The following MAP7D1 variants were observed in gnomAD, a reference collection of about 807,000 sequenced individuals.
MAP7D1 encodes MAP7 domain containing 1.
MAP7D1 carries 30 observed loss-of-function variants against 97.5 expected under a neutral mutation model. That is an observed-to-expected ratio of 0.31 (90% CI 0.23 to 0.42). The LOEUF (loss-of-function observed/expected upper bound fraction) is 0.42. Among genes scored for constraint, MAP7D1 ranks in the 10% least tolerant of loss-of-function variants. The pLI is 1.00. For synonymous variants in MAP7D1, 536 were observed against 477.1 expected (o/e 1.12, Z -1.61); for missense variants, 1,184 against 1,179.5 (o/e 1.00, Z -0.06).
chr1:36,166,611 G>C (rs1188616812), intron 1 of MAP7D1, among the ~76,000 whole-genome samples: 1 of 151,990 alleles, frequency 6.6e-6, no homozygotes, highest in African/African-American at 2.4e-5. Context: ...GGATGGTCTC[G>C]ATCTCCTGAC....
At position 36,176,181 on chromosome 1, in the gene MAP7D1, C is replaced by T. The variant is rs1283198624; in HGVS notation, c.851-18C>T. 1.2e-6 allele frequency: 2 copies of T among 1,603,664 alleles called. No homozygotes were observed. Among genetic ancestry groups the T allele is most frequent in the Admixed American group, 1.7e-5 (1 of 59,810 alleles). ...CGGCCCCCACGGTGACCGGCTTCGC[C>T]TGGCCTTCTACCCCCAGATCGCAGC... is the stretch of plus-strand genomic sequence containing the variant. On this transcript the variant is annotated intron_variant, in intron 6 of 16. Coordinates refer to ENST00000474796, the MANE Select transcript of MAP7D1 (RefSeq NM_001388490.1). The surrounding 1 kb of genome is among the most constrained non-coding windows in gnomAD (Gnocchi z 6.1).
chr1:36,171,312 C>A lies in MAP7D1; in HGVS notation c.388C>A (p.Gln130Lys). The change falls in exon 2 of 17, where the codon CAA (glutamine) becomes AAA (lysine). Residue 130 changes from glutamine (Q) to lysine (K), a missense_variant. Gln to Lys is a moderately conservative substitution (Grantham distance 53). Transcript: ENST00000474796. ...VPASDSPPTK[Q>K]EVKKAGERHK... ...AGCCTCCGACAGCCCTCCCACCAAG[C>A]AAGGTGTGTGTAATGACCCCGGCCT... 6.4e-7 allele frequency: 1 copy of A among 1,562,484 alleles called. No homozygotes were observed. The highest frequency in any genetic ancestry group is 8.7e-7 in the Non-Finnish European group (1 of 1,153,666).
intron 1 of MAP7D1, among the ~76,000 whole-genome samples, chr1:36,170,509 G>T (rs1043786445): frequency 3.3e-5 from 5 of 152,160 alleles, no homozygotes; most frequent in East Asian, 1.9e-4. Context: ...AGTGCATTTG[G>T]TGCACGAATA....
At chr1:36,168,823 T>C (rs1249600124) in intron 1 of MAP7D1, among the ~76,000 whole-genome samples, 1 of 152,096 alleles carries the variant, frequency 6.6e-6, no homozygotes, top group African/African-American at 2.4e-5. Flanking sequence ...GGCTACTGGG[T>C]CCAAGTCCAG....
chr1:36,180,442 C>T lies in MAP7D1; in HGVS notation c.*184C>T. Reference sequence around the variant, plus strand: ...TCTCTTTGGCCGGAGCCAGATCTGCCCCTCAGTGCATTCGTGTGCTCGCAC... The same window carrying T: ...TCTCTTTGGCCGGAGCCAGATCTGCTCCTCAGTGCATTCGTGTGCTCGCAC... On this transcript the variant is annotated 3_prime_UTR_variant, in exon 17 of 17. Transcript: ENST00000474796. 1.3e-6 allele frequency: 1 copy of T among 769,120 alleles called. No homozygotes were observed. Among genetic ancestry groups the T allele is most frequent in the Non-Finnish European group, 2.2e-6 (1 of 453,186 alleles). 47.6% of individuals were successfully genotyped at this position (769,120 alleles called of 1,614,324 possible). A position where few individuals can be genotyped will look rare whatever the true frequency, so the allele number is the denominator to read the frequency against.
chr1:36,177,942 C>G lies in MAP7D1; in HGVS notation c.1449C>G (p.Ser483Arg). The G allele has an allele frequency of 6.3e-7, 1 of 1,587,910 alleles. No individual in the cohort carries two copies. Among genetic ancestry groups the G allele is most frequent in the Non-Finnish European group, 8.6e-7 (1 of 1,164,516 alleles). The change falls in exon 9 of 17, where the codon AGC (serine) becomes AGG (arginine). Residue 483 changes from serine to arginine, a missense_variant. Transcript: ENST00000474796. ...SWHRPASPCPSPGPGHTLPPK... is the reference protein window; with the variant it reads ...SWHRPASPCPRPGPGHTLPPK... Reference sequence around the variant, plus strand: ...ACAGGCCTGCCTCCCCCTGCCCCAGCCCAGGGCCAGGCCACACTCTGCCTC... The same window carrying G: ...ACAGGCCTGCCTCCCCCTGCCCCAGGCCAGGGCCAGGCCACACTCTGCCTC...
At position 36,179,556 on chromosome 1, in the gene MAP7D1, A is replaced by G; in HGVS notation, c.2226A>G (p.Pro742=). Residue 742 remains proline, a splice_region_variant and synonymous_variant, in exon 14 of 17, where the codon CCA becomes CCG. Coordinates refer to ENST00000474796, the MANE Select transcript of MAP7D1 (RefSeq NM_001388490.1). ...SKEANANGSS[P]EPVKAVEARS... ...AGGCCAACGCCAACGGTTCCAGCCC[A>G]GGTAAAGCCCCCATTCCTCTCGCCT... 3 of 1,568,024 alleles carry G rather than the reference A, an allele frequency of 1.9e-6. No homozygotes were observed. The highest frequency in any genetic ancestry group is 2.6e-6 in the Non-Finnish European group (3 of 1,155,334).
Position 36,172,276 on chromosome 1 carries a change from C to T in MAP7D1, c.461-188C>T, listed in dbSNP as rs1644555711. 1.8e-5 allele frequency: 9 copies of T among 502,250 alleles called. No homozygotes were observed. The South Asian group carries it at 5.0e-4, about 28-fold the overall frequency. The allele number at this position is 502,250 out of a possible 1,614,324, so 31.1% of individuals were successfully genotyped here. A position where few individuals can be genotyped will look rare whatever the true frequency, so the allele number is the denominator to read the frequency against. On this transcript the variant is annotated intron_variant, in intron 3 of 16. Transcript: ENST00000474796. ...CCAATGGAGGAGAAATAGGCCTCTC[C>T]TGAGTCCTGTCTTCAGTAAGCCTCT...
chr1:36,178,843 A>G lies in MAP7D1; in HGVS notation c.2025+20A>G, dbSNP rs374839142. 41 of 1,517,790 alleles carry G rather than the reference A, an allele frequency of 2.7e-5. No individual in the cohort carries two copies. The African/African-American group carries it at 4.8e-4, about 18-fold the overall frequency. The allele number at this position is 1,517,790 out of a possible 1,614,324, so 94.0% of individuals were successfully genotyped here. A position where few individuals can be genotyped will look rare whatever the true frequency, so the allele number is the denominator to read the frequency against. ...AAGCAGGTGCCCCCGGCGGGCGGGAAGCGGCTGGGCGCGGGCGCCGCGGGC... is the reference window on the plus strand; with the variant it reads ...AAGCAGGTGCCCCCGGCGGGCGGGAGGCGGCTGGGCGCGGGCGCCGCGGGC... On this transcript the variant is annotated intron_variant, in intron 11 of 16. Coordinates refer to ENST00000474796, the MANE Select transcript of MAP7D1 (RefSeq NM_001388490.1).
chr1:36,172,347 C>T (rs746822021), intron 3 of MAP7D1, 117 bp from the exon 4 acceptor site: 84 of 1,041,674 alleles, frequency 8.1e-5, no homozygotes, highest in East Asian at 2.0e-4. Flanking sequence ...CCTAAGCAGG[C>T]GGGAGAAAGA....
chr1:36,159,475 C>T lies in MAP7D1; in HGVS notation c.46+3012C>T, dbSNP rs1221818256. Among the ~76,000 whole-genome samples the T allele has an allele frequency of 1.3e-5, 2 of 152,182 alleles. No homozygotes were observed. The highest frequency in any genetic ancestry group is 4.8e-5 in the African/African-American group (2 of 41,440). ...AGCGGAGAGGGGAGTTCTAGGCAGA[C>T]ATGAGCTAGGGTGTATCCAGGGAAC... On this transcript the variant is annotated intron_variant, in intron 1 of 16. Coordinates refer to ENST00000474796, the MANE Select transcript of MAP7D1 (RefSeq NM_001388490.1). This position sits in a 1 kb window ranked among gnomAD's most constrained non-coding sequence, Gnocchi z 5.4.
At chr1:36,156,979 T>C (rs564531746) in intron 1 of MAP7D1, among the ~76,000 whole-genome samples, 1 of 151,930 alleles carries the variant, frequency 6.6e-6, no homozygotes, top group East Asian at 2.0e-4. Context: ...ACCCCATCCG[T>C]CCAGCTGCCG....
At position 36,180,420 on chromosome 1, in the gene MAP7D1, C is replaced by G; in HGVS notation, c.*162C>G. The G allele has an allele frequency of 1.0e-6, 1 of 956,878 alleles. No homozygotes were observed. The allele number at this position is 956,878 out of a possible 1,614,324, so 59.3% of individuals were successfully genotyped here. A position where few individuals can be genotyped will look rare whatever the true frequency, so the allele number is the denominator to read the frequency against. Reference sequence around the variant, plus strand: ...ATCTGCACCTTATAGACTGATGTCTCTTTGGCCGGAGCCAGATCTGCCCCT... The same window carrying G: ...ATCTGCACCTTATAGACTGATGTCTGTTTGGCCGGAGCCAGATCTGCCCCT... On this transcript the variant is annotated 3_prime_UTR_variant, in exon 17 of 17. Coordinates refer to ENST00000474796, the MANE Select transcript of MAP7D1 (RefSeq NM_001388490.1).
chr1:36,168,845 G>A (rs1644504781), intron 1 of MAP7D1, among the ~76,000 whole-genome samples: 1 of 152,180 alleles, frequency 6.6e-6, no homozygotes, highest in Non-Finnish European at 1.5e-5. Context: ...CTCCCTGACT[G>A]ACCAGCTGAA....
intron 1 of MAP7D1, 32 bp downstream of exon 1, chr1:36,156,495 G>T: frequency 7.1e-7 from 1 of 1,415,422 alleles, no homozygotes. Flanking sequence ...GGCGAGATGG[G>T]GGTAGATGGA....
At position 36,176,313 on chromosome 1, in the gene MAP7D1, G is replaced by A; in HGVS notation, c.965G>A (p.Arg322Gln). ...GCGGTCACACTGCCCCGCAACGGCC[G>A]GGACCAGGGTAGGGGCTGCGACCCT... ...RSAVTLPRNG[R>Q]DQGRGCDPGR... Residue 322 changes from arginine (R) to glutamine (Q), a missense_variant, in exon 7 of 17, where the codon CGG becomes CAG. Transcript: ENST00000474796. This position sits in a 1 kb window ranked among gnomAD's most constrained non-coding sequence, Gnocchi z 6.1. The A allele has an allele frequency of 1.3e-6, 2 of 1,559,178 alleles. No individual in the cohort carries two copies. Among genetic ancestry groups the A allele is most frequent in the Non-Finnish European group, 1.7e-6 (2 of 1,154,650 alleles).
chr1:36,161,344 C>T (rs1256786346), intron 1 of MAP7D1, among the ~76,000 whole-genome samples: 1 of 152,188 alleles, frequency 6.6e-6, no homozygotes, highest in Non-Finnish European at 1.5e-5. Context: ...GCCCTTTCTA[C>T]TGACCTCCTA....
intron 1 of MAP7D1, 32 bp from the exon 2 acceptor site, chr1:36,170,939 G>A: frequency 1.2e-6 from 1 of 845,728 alleles, no homozygotes; most frequent in Non-Finnish European, 2.0e-6. Flanking sequence ...TGAGCAATCT[G>A]ACCTCTCTCC....
Position 36,172,534 on chromosome 1 carries a change from G to T in MAP7D1, c.531G>T (p.Glu177Asp), listed in dbSNP as rs544414202. 1.2e-4 allele frequency: 185 copies of T among 1,602,276 alleles called. No homozygotes were observed. Among genetic ancestry groups the T allele is most frequent in the Non-Finnish European group, 1.5e-4 (181 of 1,171,578 alleles). ...CGCTGCGGGAGAAGCAGCTCCAGGA[G>T]CGCCGGCGCCGGCTGGAGGAGCAAC... is the stretch of plus-strand genomic sequence containing the variant. ...AKALREKQLQ[E>D]RRRRLEEQRL... Residue 177 changes from glutamate (E) to aspartate (D), a missense_variant, in exon 4 of 17, where the codon GAG becomes GAT. Transcript: ENST00000474796.
Sources: gnomAD v4.1 joint callset for allele counts (sites outside exome capture counted in the v4.1 genomes callset) on GRCh38, gnomAD v4.1.1 for gene constraint, Gnocchi (gnomAD v3.1) non-coding constraint, MANE v1.5 for transcripts, NCBI Gene and HGNC (gene_info 2026-07-23, HGNC 2026-07-21) for gene names.